Variants in EPB41L4A observed in about 807,000 individuals in gnomAD.
The protein encoded by EPB41L4A is band 4.1-like protein 4A.
A neutral mutation model predicts 108.6 loss-of-function variants in EPB41L4A; 100 were observed. That is an observed-to-expected ratio of 0.92 (90% CI 0.78 to 1.09). The LOEUF is 1.09. Among genes scored for constraint, EPB41L4A ranks in the 50% least tolerant of loss-of-function variants. The probability of loss-of-function intolerance (pLI) is 0.00; values close to 1 mark genes in which losing one functional copy is unlikely to be tolerated. For synonymous variants in EPB41L4A, 319 were observed against 289.0 expected (o/e 1.10, Z -1.05); for missense variants, 1,030 against 842.7 (o/e 1.22, Z -2.75).
chr5:112,170,708 G>A (rs1257639941), intron 19 of EPB41L4A, among the ~76,000 whole-genome samples: 2 of 152,128 alleles, frequency 1.3e-5, no homozygotes, highest in Non-Finnish European at 2.9e-5. Flanking sequence ...CCTGTCTGAG[G>A]TCCATTTAGA....
At chr5:112,258,402 C>T (rs1470267118) in intron 9 of EPB41L4A, among the ~76,000 whole-genome samples, 4 of 152,192 alleles carry the variant, frequency 2.6e-5, no homozygotes, top group Non-Finnish European at 5.9e-5. Flanking sequence ...ATCAATTCAA[C>T]TCCACTTAGT....
At chr5:112,407,556 T>C (rs1397941822) in intron 1 of EPB41L4A, among the ~76,000 whole-genome samples, 1 of 152,192 alleles carries the variant, frequency 6.6e-6, no homozygotes, top group African/African-American at 2.4e-5. Context: ...TTCAAGATAA[T>C]AGATGAAAAT....
At chr5:112,288,980 GA>G (rs1753470165) in intron 2 of EPB41L4A, among the ~76,000 whole-genome samples, 1 of 152,086 alleles carries the variant, frequency 6.6e-6, no homozygotes, top group Admixed American at 6.6e-5. Flanking sequence ...CCTTGGGAGG[GA>G]TAAGTGCATT....
intron 13 of EPB41L4A, chr5:112,145,810 C>T (rs1476912389): frequency 1.2e-5 from 5 of 416,306 alleles, no homozygotes; most frequent in Non-Finnish European, 2.4e-5. Flanking sequence ...ACCCTAGACA[C>T]ATTCCTCCAT....
chr5:112,241,367 A>C (rs970502961), intron 9 of EPB41L4A, among the ~76,000 whole-genome samples: 18 of 152,226 alleles, frequency 1.2e-4, no homozygotes, highest in Non-Finnish European at 2.9e-5. Flanking sequence ...CAAATTCAAC[A>C]ATATGCATAC....
chr5:112,146,757 C>G (rs1286631305), intron 12 of EPB41L4A, among the ~76,000 whole-genome samples: 1 of 152,154 alleles, frequency 6.6e-6, no homozygotes, highest in Non-Finnish European at 1.5e-5. Flanking sequence ...GGCAAGCTGG[C>G]TGCAGACTGA....
chr5:112,169,105 C>A lies in EPB41L4A; in HGVS notation c.1740G>T (p.Glu580Asp). The A allele has an allele frequency of 6.2e-7, 1 of 1,607,830 alleles. No individual in the cohort carries two copies. Among genetic ancestry groups the A allele is most frequent in the Non-Finnish European group, 8.5e-7 (1 of 1,174,278 alleles). Residue 580 changes from glutamate (E) to aspartate (D), a missense_variant and splice_region_variant, in exon 21 of 23, where the codon GAG becomes GAT. Coordinates refer to ENST00000261486, the MANE Select transcript of EPB41L4A (RefSeq NM_022140.5). ...QLKEIPYTKIETQGDPIRIRH... is the reference protein window; with the variant it reads ...QLKEIPYTKIDTQGDPIRIRH... ...TGATGCGGATTGGGTCACCTTGTGT[C>A]CTGAACAAGCAACCAAGAAACATGA...
At chr5:112,358,547 G>A (rs115331856) in intron 1 of EPB41L4A, among the ~76,000 whole-genome samples, 1,834 of 152,276 alleles carry the variant, frequency 0.012, 14 homozygotes, top group Middle Eastern at 0.031. Context: ...TTTAACAGCT[G>A]GATGATACTG....
At chr5:112,223,498 C>G (rs1395010938) in intron 12 of EPB41L4A, among the ~76,000 whole-genome samples, 2 of 152,142 alleles carry the variant, frequency 1.3e-5, no homozygotes, top group Non-Finnish European at 2.9e-5. Context: ...GCCATCTACT[C>G]AGGAATATCT....
intron 17 of EPB41L4A, among the ~76,000 whole-genome samples, chr5:112,188,396 C>A (rs895864996): frequency 6.6e-6 from 1 of 152,106 alleles, no homozygotes; most frequent in African/African-American, 2.4e-5. Context: ...TTATTCCTTA[C>A]GTGCCCACTA....
At chr5:112,283,972 C>A (rs1227511498) in intron 2 of EPB41L4A, among the ~76,000 whole-genome samples, 1 of 152,196 alleles carries the variant, frequency 6.6e-6, no homozygotes, top group Non-Finnish European at 1.5e-5. Context: ...TGGGAGATAA[C>A]AGAGCCTTAA....
chr5:112,411,250 G>T (rs1423054647), intron 1 of EPB41L4A, among the ~76,000 whole-genome samples: 1 of 152,092 alleles, frequency 6.6e-6, no homozygotes, highest in Non-Finnish European at 1.5e-5. Context: ...GTACAGATGT[G>T]GAGTTTCAGC....
intron 1 of EPB41L4A, among the ~76,000 whole-genome samples, chr5:112,388,759 G>T (rs955184649): frequency 3.3e-5 from 5 of 152,004 alleles, no homozygotes; most frequent in African/African-American, 1.2e-4. Context: ...TTTTCTCCCC[G>T]CACTCTACCT....
At chr5:112,296,752 C>T (rs1395162313) in intron 2 of EPB41L4A, among the ~76,000 whole-genome samples, 1 of 151,978 alleles carries the variant, frequency 6.6e-6, no homozygotes, top group Non-Finnish European at 1.5e-5. Flanking sequence ...TTATCCCTCA[C>T]CCCCTTCCTA....
At chr5:112,197,787 C>A (rs1762033330) in intron 15 of EPB41L4A, among the ~76,000 whole-genome samples, 1 of 152,160 alleles carries the variant, frequency 6.6e-6, no homozygotes, top group African/African-American at 2.4e-5. Flanking sequence ...ATGATGGACC[C>A]TACATCTCCA....
chr5:112,256,533 CT>C (rs1329304122), intron 9 of EPB41L4A, among the ~76,000 whole-genome samples: 9 of 151,994 alleles, frequency 5.9e-5, no homozygotes, highest in Admixed American at 2.0e-4. Context: ...GCTTTCAATT[CT>C]CCTATCAAAA....
At chr5:112,307,255 A>C in intron 2 of EPB41L4A, 131 bp downstream of exon 2, 2 of 598,962 alleles carry the variant, frequency 3.3e-6, no homozygotes, top group Non-Finnish European at 5.8e-6. Flanking sequence ...TATCAGGGGA[A>C]AACATGTTTG....
intron 2 of EPB41L4A, among the ~76,000 whole-genome samples, chr5:112,284,836 C>A (rs1036569969): frequency 6.6e-6 from 1 of 152,148 alleles, no homozygotes; most frequent in South Asian, 2.1e-4. Flanking sequence ...CAATGACAGA[C>A]CCTTCTTACT....
At chr5:112,314,278 G>T (rs1295382097) in intron 1 of EPB41L4A, among the ~76,000 whole-genome samples, 2 of 151,754 alleles carry the variant, frequency 1.3e-5, no homozygotes, top group Non-Finnish European at 2.9e-5. Flanking sequence ...ATGCTGAAAA[G>T]GGGCTTCATT....
Sources: gnomAD v4.1 joint callset for allele counts (sites outside exome capture counted in the v4.1 genomes callset) on GRCh38, gnomAD v4.1.1 for gene constraint, MANE v1.5 for transcripts, NCBI Gene and HGNC (gene_info 2026-07-23, HGNC 2026-07-21) for gene names.